The following METTL16 variants were observed in gnomAD, a reference collection of about 807,000 sequenced individuals.
The protein encoded by METTL16 is methyltransferase 16, RNA N6-adenosine, also known as RNA N(6)-adenosine-methyltransferase METTL16.
METTL16 carries 19 observed loss-of-function variants against 57.9 expected under a neutral mutation model. That is an observed-to-expected ratio of 0.33 (90% CI 0.23 to 0.48). The LOEUF (loss-of-function observed/expected upper bound fraction) is 0.48, where lower values mean the gene tolerates loss of function less well. Ranked by LOEUF, METTL16 falls within the 20% of genes least tolerant of loss-of-function variation. METTL16 has a pLI of 0.99. For synonymous variants in METTL16, 246 were observed against 255.6 expected (o/e 0.96, Z 0.36); for missense variants, 434 against 691.5 (o/e 0.63, Z 4.18).
At chr17:2,438,064 A>T in intron 8 of METTL16, 45 bp downstream of exon 8, 1 of 1,385,976 alleles carries the variant, frequency 7.2e-7, no homozygotes, top group Non-Finnish European at 1.0e-6. Flanking sequence ...ACTGAAACCC[A>T]CCATGTGCTG....
chr17:2,503,697 A>G (rs547670909), intron 1 of METTL16, among the ~76,000 whole-genome samples: 1 of 152,190 alleles, frequency 6.6e-6, no homozygotes, highest in African/African-American at 2.4e-5. Flanking sequence ...ATAAATATGG[A>G]TCAACAAAAT....
intron 5 of METTL16, 102 bp from the exon 6 acceptor site, chr17:2,464,452 C>G: frequency 8.7e-7 from 1 of 1,144,286 alleles, no homozygotes; most frequent in Admixed American, 2.8e-5. Flanking sequence ...GCAATTTTTA[C>G]TTTCCAAATA....
chr17:2,506,610 T>A (rs1355771446), intron 1 of METTL16, among the ~76,000 whole-genome samples: 2 of 151,554 alleles, frequency 1.3e-5, no homozygotes, highest in Non-Finnish European at 2.9e-5. Flanking sequence ...CAGGCTGGAG[T>A]GCAGTGGCGT....
chr17:2,503,135 A>T (rs898942179), intron 1 of METTL16, among the ~76,000 whole-genome samples: 1 of 152,244 alleles, frequency 6.6e-6, no homozygotes, highest in African/African-American at 2.4e-5. Flanking sequence ...ACTGAAACAG[A>T]TATTTGTACA....
chr17:2,504,841 C>T (rs1041897327), intron 1 of METTL16, among the ~76,000 whole-genome samples: 7 of 151,998 alleles, frequency 4.6e-5, no homozygotes, highest in South Asian at 2.1e-4. Flanking sequence ...CAAAGTGCTA[C>T]GACTACAGAC....
chr17:2,491,723 A>C (rs1235149613), intron 2 of METTL16, among the ~76,000 whole-genome samples: 1 of 150,254 alleles, frequency 6.7e-6, no homozygotes, highest in East Asian at 2.0e-4. Flanking sequence ...AAAATACAAA[A>C]AATTAGCCAG....
chr17:2,478,029 G>A (rs1416237805), intron 2 of METTL16, 144 bp from the exon 3 acceptor site: 4 of 633,496 alleles, frequency 6.3e-6, no homozygotes, highest in Admixed American at 5.8e-5. Context: ...CATCCCAGTG[G>A]CACATACACG....
In METTL16 at chr17:2,419,872, G is replaced by A. The variant is rs945043435; in HGVS notation, c.*98C>T. The A allele has an allele frequency of 8.5e-6, 12 of 1,404,178 alleles. No individual in the cohort carries two copies. The highest frequency in any genetic ancestry group is 4.6e-5 in the East Asian group (2 of 43,690). The allele number at this position is 1,404,178 out of a possible 1,614,324, so 87.0% of individuals were successfully genotyped here. A position where few individuals can be genotyped will look rare whatever the true frequency, so the allele number is the denominator to read the frequency against. On this transcript the variant is annotated 3_prime_UTR_variant, in exon 10 of 10. Transcript: ENST00000263092. ...TTGTTTTCGAAGATAATTCCACATCGTGCTACTAATGGGCCGCTGGTAGGA... is the reference window on the plus strand; with the variant it reads ...TTGTTTTCGAAGATAATTCCACATCATGCTACTAATGGGCCGCTGGTAGGA...
chr17:2,463,420 C>T (rs1043442489), intron 6 of METTL16, among the ~76,000 whole-genome samples: 3 of 152,124 alleles, frequency 2.0e-5, no homozygotes, highest in Admixed American at 1.3e-4. Flanking sequence ...ACACAGTCTT[C>T]GCAGATTGTA....
chr17:2,431,487 C>T (rs1484766144), intron 8 of METTL16, among the ~76,000 whole-genome samples: 1 of 152,060 alleles, frequency 6.6e-6, no homozygotes, highest in Non-Finnish European at 1.5e-5. Context: ...TGGATATAAA[C>T]TTAGGAGTGG....
intron 8 of METTL16, among the ~76,000 whole-genome samples, chr17:2,430,758 A>G (rs1233841861): frequency 1.3e-5 from 2 of 151,934 alleles, no homozygotes; most frequent in East Asian, 3.9e-4. Context: ...TGAAATATAG[A>G]TACAGAAAAG....
intron 1 of METTL16, among the ~76,000 whole-genome samples, chr17:2,503,223 G>A (rs1472384078): frequency 6.6e-6 from 1 of 152,090 alleles, no homozygotes; most frequent in South Asian, 2.1e-4. Context: ...GATGAATGTG[G>A]ACCAACAAAA....
intron 2 of METTL16, among the ~76,000 whole-genome samples, chr17:2,497,679 G>C (rs545901885): frequency 1.3e-5 from 2 of 151,492 alleles, no homozygotes; most frequent in Admixed American, 1.3e-4. Context: ...TGACTTGCCA[G>C]GTACCTTTAG....
intron 6 of METTL16, among the ~76,000 whole-genome samples, chr17:2,443,123 G>A (rs951576139): frequency 3.9e-5 from 6 of 152,070 alleles, no homozygotes; most frequent in South Asian, 2.1e-4. Context: ...TGAGTAGTTG[G>A]GATTACAAGC....
At chr17:2,504,496 G>A (rs2067515120) in intron 1 of METTL16, among the ~76,000 whole-genome samples, 1 of 152,118 alleles carries the variant, frequency 6.6e-6, no homozygotes, top group African/African-American at 2.4e-5. Flanking sequence ...ACAGAACACA[G>A]TCTGTATATA....
chr17:2,435,960 G>A (rs550432980), intron 8 of METTL16, among the ~76,000 whole-genome samples: 93 of 152,212 alleles, frequency 6.1e-4, no homozygotes, highest in South Asian at 1.0e-3. Context: ...CCTTTACTAC[G>A]TGGACCTGAC....
Position 2,469,199 on chromosome 17 carries a change from T to C in METTL16, c.470-1323A>G, listed in dbSNP as rs189331287. Among the ~76,000 whole-genome samples the C allele has an allele frequency of 1.5e-3, 228 of 152,036 alleles. 1 individual carries two copies. Among genetic ancestry groups the C allele is most frequent in the African/African-American group, 5.3e-3 (219 of 41,486 alleles). On this transcript the variant is annotated intron_variant, in intron 4 of 9. Transcript: ENST00000263092. ...TTGCAGTGAGCAGCAGATTGTGCCA[T>C]TGCACTCCAGCCTGGGCGACACAGC...
chr17:2,499,299 T>G (rs1014446798), intron 2 of METTL16, among the ~76,000 whole-genome samples: 1 of 151,082 alleles, frequency 6.6e-6, no homozygotes, highest in Non-Finnish European at 1.5e-5. Context: ...ATAGTAAGTA[T>G]AGAGAGGAAA....
At chr17:2,422,496 C>T (rs1405760538) in intron 8 of METTL16, among the ~76,000 whole-genome samples, 3 of 152,098 alleles carry the variant, frequency 2.0e-5, no homozygotes, top group African/African-American at 7.2e-5. Context: ...TCTCCTGCCT[C>T]AGCCTCCCAA....
Sources: allele counts gnomAD v4.1 joint callset (sites outside exome capture counted in the v4.1 genomes callset), GRCh38; gene constraint gnomAD v4.1.1; transcripts MANE v1.5; gene names NCBI Gene and HGNC (gene_info 2026-07-23, HGNC 2026-07-21).